The following PCDH17 variants were observed in gnomAD, a reference collection of about 807,000 sequenced individuals.
The protein encoded by PCDH17 is protocadherin 17.
Under a neutral mutation model 67.7 loss-of-function variants are expected in PCDH17, and 21 were observed. That is an observed-to-expected ratio of 0.31 (90% confidence interval 0.22 to 0.45). PCDH17 has a LOEUF of 0.45. PCDH17 is among the 20% of genes least tolerant of loss of function. The pLI is 1.00. For missense variants in PCDH17, 1,471 were observed against 1,564.8 expected, an observed-to-expected ratio of 0.94 and a Z score of 1.01; for synonymous variants, 701 against 656.7, an observed-to-expected ratio of 1.07 and a Z score of -1.03.
chr13:57,696,032 C>T (rs1349865795), intron 3 of PCDH17, among the ~76,000 whole-genome samples: 1 of 151,324 alleles, frequency 6.6e-6, no homozygotes, highest in African/African-American at 2.4e-5. Context: ...TAGCAGTGGT[C>T]TCTCTTTGAA....
intron 1 of PCDH17, among the ~76,000 whole-genome samples, chr13:57,640,669 G>A (rs954160277): frequency 6.6e-6 from 1 of 152,006 alleles, no homozygotes; most frequent in African/African-American, 2.4e-5. Context: ...TGTAGACGAA[G>A]AGAAACAAAA....
chr13:57,701,630 A>T (rs1006924163), intron 3 of PCDH17, among the ~76,000 whole-genome samples: 2 of 152,136 alleles, frequency 1.3e-5, no homozygotes, highest in African/African-American at 4.8e-5. Context: ...TTCTTCAGAA[A>T]AAATGTGCCA....
At chr13:57,677,414 A>G (rs1465536038) in intron 3 of PCDH17, among the ~76,000 whole-genome samples, 1 of 151,898 alleles carries the variant, frequency 6.6e-6, no homozygotes, top group African/African-American at 2.4e-5. Context: ...AATTTGAGCT[A>G]GGACTTAAGA....
In PCDH17 at chr13:57,687,000, A is replaced by G. The variant is rs187128755; in HGVS notation, c.2797+20167A>G. ...ATAGTGAGCCCCATCCTTTAAATGCATAACTAAGTATTAGAAGTGAAATAG... is the reference window on the plus strand; with the variant it reads ...ATAGTGAGCCCCATCCTTTAAATGCGTAACTAAGTATTAGAAGTGAAATAG... On this transcript the variant is annotated intron_variant, in intron 3 of 3. Coordinates refer to ENST00000377918, the MANE Select transcript of PCDH17 (RefSeq NM_001040429.3). 1.6e-3 allele frequency among the ~76,000 whole-genome samples: 243 copies of G among 152,152 alleles called. 1 individual carries two copies. Among genetic ancestry groups the G allele is most frequent in the African/African-American group, 5.6e-3 (231 of 41,562 alleles).
chr13:57,708,357 T>G (rs530981681), intron 3 of PCDH17, among the ~76,000 whole-genome samples: 47 of 152,118 alleles, frequency 3.1e-4, no homozygotes, highest in African/African-American at 1.1e-3. Context: ...TTGAACTTTT[T>G]TAATATATAT....
chr13:57,704,248 C>T (rs1237601484), intron 3 of PCDH17, among the ~76,000 whole-genome samples: 2 of 152,024 alleles, frequency 1.3e-5, no homozygotes, highest in Non-Finnish European at 2.9e-5. Flanking sequence ...TTTCTCTCTT[C>T]TTTGTAGCCA....
intron 3 of PCDH17, among the ~76,000 whole-genome samples, chr13:57,678,181 A>G (rs987551280): frequency 2.0e-5 from 3 of 151,402 alleles, no homozygotes; most frequent in Non-Finnish European, 3.0e-5. Flanking sequence ...ATCATATTGT[A>G]TATGATAAAT....
chr13:57,660,679 A>G (rs894702834), intron 1 of PCDH17, among the ~76,000 whole-genome samples: 11 of 152,170 alleles, frequency 7.2e-5, no homozygotes, highest in African/African-American at 2.4e-4. Flanking sequence ...ATCTCTCTCT[A>G]TCATACTTTC....
At chr13:57,631,636 A>T (rs1954721661), upstream of PCDH17, among the ~76,000 whole-genome samples, 1 of 152,168 alleles carries the variant, frequency 6.6e-6, no homozygotes, top group African/African-American at 2.4e-5. Context: ...GCAAATGCTG[A>T]TCAGGCTGTG....
chr13:57,644,470 C>T (rs1001713140), intron 1 of PCDH17, among the ~76,000 whole-genome samples: 1 of 151,348 alleles, frequency 6.6e-6, no homozygotes, highest in Admixed American at 6.6e-5. Flanking sequence ...GGTTAGAATG[C>T]GTGCCCAGTT....
chr13:57,660,701 A>G (rs1356602400), intron 1 of PCDH17, among the ~76,000 whole-genome samples: 2 of 151,860 alleles, frequency 1.3e-5, no homozygotes, highest in East Asian at 3.9e-4. Flanking sequence ...CTCACCTTTC[A>G]CCCCTAGCAA....
chr13:57,688,624 A>G (rs371483631), intron 3 of PCDH17, among the ~76,000 whole-genome samples: 1 of 152,100 alleles, frequency 6.6e-6, no homozygotes, highest in East Asian at 1.9e-4. Flanking sequence ...GAAATGCTAT[A>G]TATTATATCA....
chr13:57,666,392 A>C (rs1019397792), intron 1 of PCDH17, 76 bp from the exon 2 acceptor site: 1 of 1,087,338 alleles, frequency 9.2e-7, no homozygotes, highest in East Asian at 2.4e-5. Flanking sequence ...TCATTTTTCC[A>C]CTAGGAAATC....
intron 3 of PCDH17, among the ~76,000 whole-genome samples, chr13:57,706,152 A>T (rs1955719422): frequency 6.6e-6 from 1 of 152,178 alleles, no homozygotes; most frequent in Non-Finnish European, 1.5e-5. Context: ...ATTAATTTGT[A>T]GACATTTTAA....
chr13:57,674,394 A>G (rs999731428), intron 3 of PCDH17, among the ~76,000 whole-genome samples: 3 of 151,860 alleles, frequency 2.0e-5, no homozygotes, highest in Non-Finnish European at 1.5e-5. Flanking sequence ...TATTGCAATC[A>G]CAGCTCATTG....
intron 3 of PCDH17, among the ~76,000 whole-genome samples, chr13:57,718,146 A>G (rs533386384): frequency 1.6e-3 from 236 of 152,204 alleles, no homozygotes; most frequent in Middle Eastern, 0.01. Context: ...ACAATGCTAT[A>G]GAAGAATAGC....
Position 57,639,747 on chromosome 13 carries a change from A to C in PCDH17, c.2565+4636A>C, listed in dbSNP as rs536498510. Among the ~76,000 whole-genome samples, 9 of 152,014 alleles carry C rather than the reference A, an allele frequency of 5.9e-5. No individual in the cohort carries two copies. The East Asian group carries it at 1.7e-3, about 29-fold the overall frequency. On this transcript the variant is annotated intron_variant, in intron 1 of 3. Transcript: ENST00000377918. ...ATTACCATATGTAAGTATATGCCAA[A>C]AAATTTGGAATTTTAGTCTTGGCAT...
intron 3 of PCDH17, 45 bp from the exon 4 acceptor site, chr13:57,724,567 A>G: frequency 6.6e-7 from 1 of 1,514,622 alleles, no homozygotes; most frequent in East Asian, 2.3e-5. Flanking sequence ...AAATTTAAAG[A>G]AAACTCTAAT....
In PCDH17 at chr13:57,724,911, C is replaced by A. The variant is rs1243325322; in HGVS notation, c.3097C>A (p.Pro1033Thr). 3.1e-6 allele frequency: 5 copies of A among 1,614,136 alleles called. No individual in the cohort carries two copies. In the South Asian group the frequency reaches 5.5e-5, roughly 18 times the overall value. The part of the protein sequence containing the change: ...RALSPLLQEV[P>T]SASSSPTKAC... ...CCTGAGCCCTCTCCTCCAAGAGGTC[C>A]CCTCAGCATCAAGCAGCCCAACCAA... is the stretch of plus-strand genomic sequence containing the variant. The change falls in exon 4 of 4, where the codon CCC becomes ACC. Residue 1033 changes from proline (P) to threonine (T), a missense_variant. Transcript: ENST00000377918.
Sources: allele counts gnomAD v4.1 joint callset (sites outside exome capture counted in the v4.1 genomes callset), GRCh38; gene constraint gnomAD v4.1.1; transcripts MANE v1.5; gene names NCBI Gene and HGNC (gene_info 2026-07-23, HGNC 2026-07-21).